Variants in TEX36 observed in about 807,000 individuals in gnomAD.
TEX36 encodes the protein testis-expressed protein 36.
In TEX36, 12 loss-of-function variants were observed where a neutral mutation model predicts 13.6. The ratio of observed to expected loss-of-function variants is 0.88; its 90% CI spans 0.56 to 1.43. The LOEUF (loss-of-function observed/expected upper bound fraction) is 1.43, where lower values mean the gene tolerates loss of function less well. TEX36 is among the 40% of genes most tolerant of loss of function. TEX36 has a pLI of 0.00. For synonymous variants in TEX36, 93 were observed against 83.0 expected (o/e 1.12, Z -0.65); for missense variants, 224 against 228.3 (o/e 0.98, Z 0.12).
chr10:125,613,886 C>T (rs1410555936), intron 3 of TEX36, among the ~76,000 whole-genome samples: 1 of 152,238 alleles, frequency 6.6e-6, no homozygotes, highest in African/African-American at 2.4e-5. Context: ...AACTAGTTTA[C>T]TGTCCCACCA....
chr10:125,668,066 A>C, intron 1 of TEX36: 1 of 624,568 alleles, frequency 1.6e-6, no homozygotes, highest in Non-Finnish European at 2.9e-6. Context: ...TCCTAAAATA[A>C]CTGAGAGTCT....
intron 3 of TEX36, among the ~76,000 whole-genome samples, chr10:125,584,112 A>G (rs1589739814): frequency 6.6e-6 from 1 of 152,180 alleles, no homozygotes; most frequent in African/African-American, 2.4e-5. Flanking sequence ...GACATGAAAG[A>G]CCACCTCGAG....
chr10:125,588,544 G>A (rs930844760), intron 3 of TEX36, among the ~76,000 whole-genome samples: 8 of 152,204 alleles, frequency 5.3e-5, no homozygotes, highest in African/African-American at 1.9e-4. Context: ...TGCAGCATGT[G>A]ATGTGAGTGG....
At chr10:125,582,184 G>A (rs181392031) in intron 3 of TEX36, among the ~76,000 whole-genome samples, 20 of 152,336 alleles carry the variant, frequency 1.3e-4, no homozygotes, top group African/African-American at 4.8e-4. Flanking sequence ...GTGGAGTGGT[G>A]CCCTCAGGGA....
Position 125,647,196 on chromosome 10 carries a change from T to C in TEX36, c.264+13825A>G, listed in dbSNP as rs563983407. On this transcript the variant is annotated intron_variant, in intron 3 of 3. Coordinates refer to the TEX36 transcript ENST00000526819. The stretch of plus-strand genomic sequence containing the variant: ...CAATAAAGACCAGAACATTATTTGC[T>C]ATAATGTCACTCCAGACGTACAACC... 2.2e-4 allele frequency among the ~76,000 whole-genome samples: 34 copies of C among 152,326 alleles called. 1 individual carries two copies. In the South Asian group the frequency reaches 6.6e-3, roughly 30 times the overall value.
Position 125,660,973 on chromosome 10 carries a change from C to T in TEX36, c.264+48G>A, listed in dbSNP as rs1399784935. 2.0e-6 allele frequency: 3 copies of T among 1,471,300 alleles called. No homozygotes were observed. In the Admixed American group the frequency reaches 5.9e-5, roughly 29 times the overall value. 91.1% of individuals were successfully genotyped at this position (1,471,300 alleles called of 1,614,324 possible). A position where few individuals can be genotyped will look rare whatever the true frequency, so the allele number is the denominator to read the frequency against. On this transcript the variant is annotated intron_variant, in intron 3 of 3. Transcript: ENST00000368821. ...CAACACACCCCAGAAAATCAAGATC[C>T]CTTGTGTTGTTCCCTGTTTTATTAA...
At chr10:125,643,976 A>G (rs1295140595) in intron 3 of TEX36, among the ~76,000 whole-genome samples, 1 of 152,184 alleles carries the variant, frequency 6.6e-6, no homozygotes, top group Non-Finnish European at 1.5e-5. Flanking sequence ...GCATAAAACC[A>G]AGTCACAAAA....
At chr10:125,666,016 A>T (rs779240056) in intron 1 of TEX36, among the ~76,000 whole-genome samples, 4 of 152,180 alleles carry the variant, frequency 2.6e-5, no homozygotes, top group Non-Finnish European at 5.9e-5. Flanking sequence ...TATATATAAA[A>T]GCTACTGCTT....
chr10:125,657,827 T>C (rs1297485077), intron 3 of TEX36, among the ~76,000 whole-genome samples: 3 of 152,190 alleles, frequency 2.0e-5, no homozygotes, highest in Admixed American at 6.6e-5. Flanking sequence ...AGATAAAGCA[T>C]GCTGGAAGAC....
At chr10:125,651,642 G>T (rs1846861633), downstream of TEX36, among the ~76,000 whole-genome samples, 1 of 152,082 alleles carries the variant, frequency 6.6e-6, no homozygotes, top group Non-Finnish European at 1.5e-5. Flanking sequence ...GGAAGTTCTG[G>T]CCAGGGCAAT....
intron 3 of TEX36, among the ~76,000 whole-genome samples, chr10:125,584,199 T>C (rs959703500): frequency 6.6e-6 from 1 of 152,204 alleles, no homozygotes; most frequent in Non-Finnish European, 1.5e-5. Flanking sequence ...TAGGGCCACC[T>C]GAAAGACTCC....
intron 3 of TEX36, among the ~76,000 whole-genome samples, chr10:125,648,812 CT>C (rs1846810933): frequency 6.6e-6 from 1 of 151,970 alleles, no homozygotes; most frequent in African/African-American, 2.4e-5. Context: ...TAGAGAAGTC[CT>C]TAAATAATGG....
At chr10:125,633,882 A>G (rs1846591590) in intron 3 of TEX36, among the ~76,000 whole-genome samples, 1 of 152,162 alleles carries the variant, frequency 6.6e-6, no homozygotes, top group Non-Finnish European at 1.5e-5. Flanking sequence ...CTGGCGAACA[A>G]AGGCATGCCG....
chr10:125,680,488 G>A (rs773923071), intron 1 of TEX36, among the ~76,000 whole-genome samples: 3 of 152,036 alleles, frequency 2.0e-5, no homozygotes, highest in Non-Finnish European at 2.9e-5. Flanking sequence ...ACAAGTTGGC[G>A]GTGAAATTTT....
At chr10:125,605,543 A>C (rs113052978) in intron 3 of TEX36, among the ~76,000 whole-genome samples, 1 of 152,252 alleles carries the variant, frequency 6.6e-6, no homozygotes, top group African/African-American at 2.4e-5. Flanking sequence ...TGAAAACAAA[A>C]AAGAGTGAAG....
intron 3 of TEX36, among the ~76,000 whole-genome samples, chr10:125,612,341 C>T (rs185608856): frequency 6.6e-6 from 1 of 151,792 alleles, no homozygotes; most frequent in Non-Finnish European, 1.5e-5. Context: ...ACCTTGGCCT[C>T]CCAAAGTGCT....
At chr10:125,676,969 T>A (rs1001816157) in intron 1 of TEX36, among the ~76,000 whole-genome samples, 1 of 152,274 alleles carries the variant, frequency 6.6e-6, no homozygotes, top group African/African-American at 2.4e-5. Context: ...AGAGCTTTGC[T>A]AGAAATAGCA....
chr10:125,657,938 T>C (rs1307733850), intron 3 of TEX36, among the ~76,000 whole-genome samples: 3 of 152,276 alleles, frequency 2.0e-5, no homozygotes, highest in African/African-American at 2.4e-5. Context: ...GGGCAAGTAC[T>C]TGTAGAATAT....
intron 3 of TEX36, among the ~76,000 whole-genome samples, chr10:125,625,859 C>T (rs1846482099): frequency 6.6e-6 from 1 of 152,220 alleles, no homozygotes; most frequent in Non-Finnish European, 1.5e-5. Context: ...ACCGCTGCTA[C>T]AGGTGAAGGA....
Sources: allele counts gnomAD v4.1 joint callset (sites outside exome capture counted in the v4.1 genomes callset), GRCh38; gene constraint gnomAD v4.1.1; transcripts MANE v1.5; gene names NCBI Gene and HGNC (gene_info 2026-07-23, HGNC 2026-07-21).